CDC42BPB: variants seen among roughly 807,000 people sequenced by gnomAD.
CDC42BPB encodes serine/threonine-protein kinase MRCK beta.
CDC42BPB carries 37 observed loss-of-function variants against 214.9 expected under a neutral mutation model. That is an observed-to-expected ratio of 0.17 (90% CI 0.13 to 0.23). CDC42BPB has a LOEUF of 0.23. Among genes scored for constraint, CDC42BPB ranks in the 10% least tolerant of loss-of-function variants. The pLI is 1.00. For synonymous variants in CDC42BPB, 931 were observed against 884.0 expected, an observed-to-expected ratio of 1.05 and a Z score of -0.94; for missense variants, 1,694 against 2,227.0, an observed-to-expected ratio of 0.76 and a Z score of 4.82.
At chr14:103,049,380 G>T (rs1382598486) in intron 1 of CDC42BPB, among the ~76,000 whole-genome samples, 1 of 152,226 alleles carries the variant, frequency 6.6e-6, no homozygotes, top group Admixed American at 6.5e-5. Flanking sequence ...TTGGAGCAAG[G>T]CTGTCCAACT....
In CDC42BPB at chr14:103,001,210, C is replaced by G. The variant is rs933474836; in HGVS notation, c.448-1497G>C. ...CCTGGCTCAGGCACTGCCCGTCCTT[C>G]CCCGCCGAGTTTTTCAATTTGTTCA... On this transcript the variant is annotated intron_variant, in intron 4 of 36. Transcript: ENST00000361246. This position sits in a 1 kb window ranked among gnomAD's most constrained non-coding sequence, Gnocchi z 5.8. 6.6e-6 allele frequency among the ~76,000 whole-genome samples: 1 copy of G among 152,208 alleles called. No homozygotes were observed. Among genetic ancestry groups the G allele is most frequent in the Admixed American group, 6.5e-5 (1 of 15,290 alleles).
At chr14:103,047,719 C>CATGGTGAA (rs1344389983) in intron 1 of CDC42BPB, among the ~76,000 whole-genome samples, 1 of 152,058 alleles carries the variant, frequency 6.6e-6, no homozygotes, top group African/African-American at 2.4e-5. Context: ...GTCTGGGCAA[C>CATGGTGAA]ATGGTGAAAC....
intron 1 of CDC42BPB, among the ~76,000 whole-genome samples, chr14:103,026,268 G>A (rs1451341271): frequency 6.6e-6 from 1 of 151,510 alleles, no homozygotes; most frequent in African/African-American, 2.4e-5. Context: ...GCACATGCCT[G>A]TAGTCCCAGC....
At chr14:102,976,397 G>T (rs549356778) in intron 9 of CDC42BPB, among the ~76,000 whole-genome samples, 11 of 152,336 alleles carry the variant, frequency 7.2e-5, no homozygotes, top group African/African-American at 2.6e-4. Context: ...GCAGGTCAGC[G>T]GTACGCATGG....
intron 5 of CDC42BPB, among the ~76,000 whole-genome samples, chr14:102,994,250 C>T (rs1318398676): frequency 6.6e-6 from 1 of 152,198 alleles, no homozygotes; most frequent in Non-Finnish European, 1.5e-5. Context: ...TCTGAGAAGA[C>T]AGGCCGAGGA....
chr14:103,013,614 T>C (rs1886282458), intron 1 of CDC42BPB, among the ~76,000 whole-genome samples: 1 of 152,172 alleles, frequency 6.6e-6, no homozygotes, highest in South Asian at 2.1e-4. Flanking sequence ...CTGGTGTCCT[T>C]CTAAAAGGAG....
At position 102,981,921 on chromosome 14, in the gene CDC42BPB, G is replaced by A. The variant is rs1046364059; in HGVS notation, c.892-900C>T. ...CACACACATGCGCACGCACACACAC[G>A]AGCTGAGGTCTGCCGAGGCCACACA... is the stretch of plus-strand genomic sequence containing the variant. On this transcript the variant is annotated intron_variant, in intron 7 of 36. Coordinates refer to ENST00000361246, the MANE Select transcript of CDC42BPB (RefSeq NM_006035.4). Among the ~76,000 whole-genome samples the A allele has an allele frequency of 9.2e-5, 14 of 152,150 alleles. No homozygotes were observed. The South Asian group carries it at 2.3e-3, about 25-fold the overall frequency.
intron 1 of CDC42BPB, among the ~76,000 whole-genome samples, chr14:103,016,091 G>A (rs1886443694): frequency 6.6e-6 from 1 of 152,192 alleles, no homozygotes. Flanking sequence ...CTGAGGATGG[G>A]GTGCTGCTGG....
At chr14:102,963,379 G>T in intron 19 of CDC42BPB, 1 of 746,392 alleles carries the variant, frequency 1.3e-6, no homozygotes, top group Non-Finnish European at 1.6e-6. Flanking sequence ...GCTTAGGAAG[G>T]CGTGTCTCAT....
chr14:102,934,332 G>A (rs1010655314), intron 36 of CDC42BPB, among the ~76,000 whole-genome samples: 4 of 151,638 alleles, frequency 2.6e-5, no homozygotes, highest in East Asian at 2.0e-4. Flanking sequence ...CAGGAGATTG[G>A]GACCATCCTG....
intron 1 of CDC42BPB, among the ~76,000 whole-genome samples, chr14:103,033,793 C>G (rs1017716177): frequency 9.2e-5 from 14 of 152,140 alleles, no homozygotes; most frequent in Non-Finnish European, 1.3e-4. Flanking sequence ...TACAAATACC[C>G]AAAACAGGAA....
intron 1 of CDC42BPB, among the ~76,000 whole-genome samples, chr14:103,018,383 A>G (rs981100084): frequency 1.3e-5 from 2 of 152,244 alleles, no homozygotes; most frequent in Non-Finnish European, 2.9e-5. Context: ...AAATACTTTT[A>G]GAAGTTCATT....
intron 5 of CDC42BPB, among the ~76,000 whole-genome samples, chr14:102,992,585 C>T (rs1201105720): frequency 6.6e-6 from 1 of 152,138 alleles, no homozygotes; most frequent in Non-Finnish European, 1.5e-5. Flanking sequence ...ACGTCACACG[C>T]TGCAATAACC....
intron 8 of CDC42BPB, 109 bp from the exon 9 acceptor site, chr14:102,978,314 G>C: frequency 6.5e-7 from 1 of 1,538,598 alleles, no homozygotes; most frequent in Non-Finnish European, 8.7e-7. Context: ...CAGAACATGT[G>C]GCCTTGGAGA....
At chr14:102,941,619 A>C in intron 30 of CDC42BPB, 1 of 920,954 alleles carries the variant, frequency 1.1e-6, no homozygotes, top group Non-Finnish European at 1.3e-6. Flanking sequence ...GCTTGCAAGG[A>C]AGCAGGAAGA....
intron 1 of CDC42BPB, among the ~76,000 whole-genome samples, chr14:103,019,477 T>C (rs1886649509): frequency 1.3e-5 from 2 of 152,194 alleles, no homozygotes; most frequent in South Asian, 4.1e-4. Flanking sequence ...CCTGCCCGTC[T>C]TCCTCACCAG....
intron 1 of CDC42BPB, among the ~76,000 whole-genome samples, chr14:103,036,693 C>A (rs1246189711): frequency 6.6e-6 from 1 of 152,116 alleles, no homozygotes; most frequent in Admixed American, 6.6e-5. Flanking sequence ...TCTGGGAATG[C>A]ACATATGATT....
intron 30 of CDC42BPB, chr14:102,941,227 C>T (rs1891875344): frequency 1.0e-6 from 1 of 985,446 alleles, no homozygotes; most frequent in African/African-American, 1.7e-5. Context: ...GGCGGCAAGC[C>T]CCAAATGCAA....
chr14:103,014,261 C>A (rs570058984), intron 1 of CDC42BPB, among the ~76,000 whole-genome samples: 10 of 152,188 alleles, frequency 6.6e-5, no homozygotes, highest in Middle Eastern at 6.8e-3. Context: ...GGAGCCCACA[C>A]TGTCTGACTC....
Sources: gnomAD v4.1 joint callset for allele counts (sites outside exome capture counted in the v4.1 genomes callset) on GRCh38, gnomAD v4.1.1 for gene constraint, Gnocchi (gnomAD v3.1) non-coding constraint, MANE v1.5 for transcripts, NCBI Gene and HGNC (gene_info 2026-07-23, HGNC 2026-07-21) for gene names.